The following MEAF6 variants were observed in gnomAD, a reference collection of about 807,000 sequenced individuals.
MEAF6 encodes the protein MYST/Esa1 associated factor 6, also known as chromatin modification-related protein MEAF6.
In MEAF6, 15 loss-of-function variants were observed where a neutral mutation model predicts 28.9. The ratio of observed to expected loss-of-function variants is 0.52; its 90% confidence interval spans 0.35 to 0.80. The LOEUF (loss-of-function observed/expected upper bound fraction) is 0.80. Ranked by LOEUF, MEAF6 falls within the 30% of genes least tolerant of loss-of-function variation. The pLI, the probability that MEAF6 is intolerant of heterozygous loss-of-function variation, is 0.01. For missense variants in MEAF6, 178 were observed against 237.5 expected (o/e 0.75, Z 1.65); for synonymous variants, 97 against 88.7 (o/e 1.09, Z -0.53).
Position 37,490,637 on chromosome 1 carries a change from T to A in MEAF6, c.*3462A>T, listed in dbSNP as rs1345397099. On this transcript the variant is annotated 3_prime_UTR_variant, in exon 7 of 7. Coordinates refer to ENST00000296214, the MANE Select transcript of MEAF6 (RefSeq NM_001270875.3). ...ATAGCATACTGTAGCCTTGAACTTC[T>A]GGCTTCAAGCGATCCTGCTGCCTCT... Among the ~76,000 whole-genome samples the A allele has an allele frequency of 6.6e-6, 1 of 152,198 alleles. No homozygotes were observed. Among genetic ancestry groups the A allele is most frequent in the African/African-American group, 2.4e-5 (1 of 41,462 alleles).
At chr1:37,502,107 T>C in intron 4 of MEAF6, 111 bp from the exon 5 acceptor site, 1 of 86,968 alleles carries the variant, frequency 1.1e-5, no homozygotes, top group South Asian at 1.5e-4. Context: ...TATCCTCTAA[T>C]TGACAGAGAA....
chr1:37,492,805 G>A lies in MEAF6; in HGVS notation c.*1294C>T, dbSNP rs1303043519. ...TATCCCTTAGACCAATCATAACATA[G>A]GATGTAAATTAAACCATTCAGTCTT... On this transcript the variant is annotated 3_prime_UTR_variant, in exon 7 of 7. Coordinates refer to ENST00000296214, the MANE Select transcript of MEAF6 (RefSeq NM_001270875.3). 1 of 152,492 alleles carries A rather than the reference G, an allele frequency of 6.6e-6. No homozygotes were observed. Among genetic ancestry groups the A allele is most frequent in the African/African-American group, 2.4e-5 (1 of 41,436 alleles). The allele number at this position is 152,492 out of a possible 1,614,324, so 9.4% of individuals were successfully genotyped here.
rs976652067 is a variant in MEAF6 at position 37,492,481 on chromosome 1, TAAG to T, written c.*1615_*1617del. On this transcript the variant is annotated 3_prime_UTR_variant, in exon 7 of 7. Coordinates refer to ENST00000296214, the MANE Select transcript of MEAF6 (RefSeq NM_001270875.3). ...TTTTTTTTAAGGAATAATCTAAATA[TAAG>T]AAACTATTTCCTTAAAAATCCTGAC... 3 of 127,078 alleles carry T rather than the reference TAAG, an allele frequency of 2.4e-5. No homozygotes were observed. The highest frequency in any genetic ancestry group is 4.7e-5 in the Non-Finnish European group (3 of 63,828). 7.9% of individuals were successfully genotyped at this position (127,078 alleles called of 1,614,324 possible).
chr1:37,495,685 A>AG, intron 6 of MEAF6, among the ~76,000 whole-genome samples, 200 bp downstream of exon 6: 1 of 37,382 alleles, frequency 2.7e-5, no homozygotes, highest in African/African-American at 5.7e-5. Flanking sequence ...ACTGTCTCTC[A>AG]AAAAAAAAAA....
rs1293341753 is a variant in MEAF6 at position 37,491,718 on chromosome 1, A to G, written c.*2381T>C. Among the ~76,000 whole-genome samples, 1 of 150,570 alleles carries G rather than the reference A, an allele frequency of 6.6e-6. No individual in the cohort carries two copies. Among genetic ancestry groups the G allele is most frequent in the Non-Finnish European group, 1.5e-5 (1 of 67,714 alleles). ...TGTCAATAAATAAATAAATAAATAA[A>G]TAAATAAATAAAATATATAAATACT... On this transcript the variant is annotated 3_prime_UTR_variant, in exon 7 of 7. Coordinates refer to ENST00000296214, the MANE Select transcript of MEAF6 (RefSeq NM_001270875.3).
At chr1:37,513,297 A>C in intron 2 of MEAF6, 126 bp downstream of exon 2, 1 of 675,044 alleles carries the variant, frequency 1.5e-6, no homozygotes, top group Non-Finnish European at 2.6e-6. Context: ...AGAGTCCAAG[A>C]GTTCAAGTCC....
At chr1:37,507,163 T>C (rs1316592403) in intron 4 of MEAF6, among the ~76,000 whole-genome samples, 2 of 152,016 alleles carry the variant, frequency 1.3e-5, no homozygotes, top group African/African-American at 2.4e-5. Context: ...CTGCCAATAA[T>C]ACAAAAATTA....
intron 2 of MEAF6, among the ~76,000 whole-genome samples, chr1:37,509,781 T>A: frequency 6.6e-6 from 1 of 152,220 alleles, no homozygotes; most frequent in Non-Finnish European, 1.5e-5. Flanking sequence ...TATTTACTTA[T>A]TTATTTATTT....
At position 37,513,541 on chromosome 1, in the gene MEAF6, G is replaced by C. The variant is rs1322342718; in HGVS notation, c.91-3C>G. 2 of 1,608,174 alleles carry C rather than the reference G, an allele frequency of 1.2e-6. No homozygotes were observed. Among genetic ancestry groups the C allele is most frequent in the Non-Finnish European group, 1.7e-6 (2 of 1,174,532 alleles). On this transcript the variant is annotated splice_polypyrimidine_tract_variant and splice_region_variant and intron_variant, in intron 1 of 6. Transcript: ENST00000296214. ...CGCTCCAAATTTGCCAATGTTTCCT[G>C]AGAGATGAAAAACAAGGACATGAAT...
intron 4 of MEAF6, among the ~76,000 whole-genome samples, chr1:37,508,992 G>C (rs12735118): frequency 2.0e-5 from 3 of 152,148 alleles, no homozygotes; most frequent in South Asian, 4.1e-4. Context: ...AGCTACTTGG[G>C]AGGCCGAGGC....
rs1642026703 is a variant in MEAF6, at chr1:37,493,907, T to A, written c.*192A>T. On this transcript the variant is annotated 3_prime_UTR_variant, in exon 7 of 7. Transcript: ENST00000296214. ...TTCTGTTACTAAAAATGACATAAAG[T>A]AAGACCCAATGTCTTACAGAAATGA... The A allele has an allele frequency of 3.7e-5, 58 of 1,587,866 alleles. 1 individual carries two copies. In the South Asian group the frequency reaches 6.1e-4, roughly 17 times the overall value.
chr1:37,495,810 C>T (rs1476197578), intron 6 of MEAF6, 75 bp downstream of exon 6: 1 of 1,446,768 alleles, frequency 6.9e-7, no homozygotes, highest in African/African-American at 1.4e-5. Context: ...AACACTCAAG[C>T]TCTGAAGACA....
At chr1:37,501,727 A>C in intron 5 of MEAF6, 77 bp downstream of exon 5, 4 of 1,327,378 alleles carry the variant, frequency 3.0e-6, no homozygotes, top group Non-Finnish European at 4.0e-6. Context: ...CAGCAATCCT[A>C]AAGAGTTTTT....
intron 5 of MEAF6, among the ~76,000 whole-genome samples, chr1:37,499,628 A>G (rs1035996235): frequency 6.6e-6 from 1 of 152,216 alleles, no homozygotes; most frequent in Non-Finnish European, 1.5e-5. Flanking sequence ...CCAGATATTA[A>G]ATCAGAGGGA....
intron 4 of MEAF6, among the ~76,000 whole-genome samples, chr1:37,506,088 G>T (rs1642472025): frequency 6.6e-6 from 1 of 152,134 alleles, no homozygotes; most frequent in South Asian, 2.1e-4. Flanking sequence ...CTGGCTAACA[G>T]AGTGAAACCC....
At position 37,492,271 on chromosome 1, in the gene MEAF6, G is replaced by A. The variant is rs1226251390; in HGVS notation, c.*1828C>T. ...TCTCGATCTCCTGACCTCGTGATCC[G>A]CCCGCTTCGGCCTCCCAAAGTGCTG... On this transcript the variant is annotated 3_prime_UTR_variant, in exon 7 of 7. Transcript: ENST00000296214. Among the ~76,000 whole-genome samples the A allele has an allele frequency of 4.6e-5, 7 of 151,748 alleles. No individual in the cohort carries two copies. Among genetic ancestry groups the A allele is most frequent in the Admixed American group, 6.6e-5 (1 of 15,220 alleles).
At chr1:37,507,855 T>G (rs1569982193) in intron 4 of MEAF6, among the ~76,000 whole-genome samples, 1 of 146,086 alleles carries the variant, frequency 6.8e-6, no homozygotes, top group African/African-American at 2.5e-5. Context: ...AATGCAGAAG[T>G]AAAGCCAGGA....
chr1:37,495,983 T>A (rs1410353134), intron 5 of MEAF6, 65 bp from the exon 6 acceptor site: 1 of 1,313,106 alleles, frequency 7.6e-7, no homozygotes, highest in Non-Finnish European at 1.1e-6. Context: ...CACAATCAGC[T>A]ACTGCATAGG....
At chr1:37,509,653 G>T in intron 2 of MEAF6, 111 bp from the exon 3 acceptor site, 1 of 867,730 alleles carries the variant, frequency 1.2e-6, no homozygotes. Flanking sequence ...ACTCAGACTG[G>T]CCCAAACGAC....
Sources: allele counts gnomAD v4.1 joint callset (sites outside exome capture counted in the v4.1 genomes callset), GRCh38; gene constraint gnomAD v4.1.1; transcripts MANE v1.5; gene names NCBI Gene and HGNC (gene_info 2026-07-23, HGNC 2026-07-21).